The following ARHGAP22 variants were observed in gnomAD, a reference collection of about 807,000 sequenced individuals.
ARHGAP22 encodes the protein rho GTPase-activating protein 22.
A neutral mutation model predicts 59.1 loss-of-function variants in ARHGAP22; 48 were observed. The observed-to-expected ratio is 0.81, with a 90% CI of 0.64 to 1.03. ARHGAP22 has a LOEUF of 1.03. Among genes scored for constraint, ARHGAP22 ranks in the 50% least tolerant of loss-of-function variants. ARHGAP22 has a pLI of 0.00. For synonymous variants in ARHGAP22, 445 were observed against 416.4 expected, an observed-to-expected ratio of 1.07 and a Z score of -0.84; for missense variants, 1,015 against 958.7, an observed-to-expected ratio of 1.06 and a Z score of -0.78.
intron 1 of ARHGAP22, among the ~76,000 whole-genome samples, chr10:48,595,703 A>G (rs2060027095): frequency 6.6e-6 from 1 of 151,484 alleles, no homozygotes; most frequent in Non-Finnish European, 1.5e-5. Flanking sequence ...TTTTTTTTGT[A>G]AAGATGGGGT....
At position 48,649,764 on chromosome 10, in the gene ARHGAP22, G is replaced by A. The variant is rs530613737; in HGVS notation, c.52+2470C>T. The stretch of plus-strand genomic sequence containing the variant: ...ACTGCTGGGTGAGACTTTTAGCACA[G>A]AACTCACCAAGTGAGAGGCCAAGAG... On this transcript the variant is annotated intron_variant, in intron 1 of 9. Coordinates refer to the ARHGAP22 transcript ENST00000435790. Among the ~76,000 whole-genome samples, 10 of 152,260 alleles carry A rather than the reference G, an allele frequency of 6.6e-5. No individual in the cohort carries two copies. In the East Asian group the frequency reaches 1.9e-3, roughly 29 times the overall value.
chr10:48,557,006 T>G (rs900334642), intron 2 of ARHGAP22, among the ~76,000 whole-genome samples: 3 of 152,224 alleles, frequency 2.0e-5, no homozygotes, highest in Non-Finnish European at 2.9e-5. Flanking sequence ...GTGACTCTTC[T>G]CATTTAAGCA....
chr10:48,488,428 G>C (rs1018083324), intron 3 of ARHGAP22, among the ~76,000 whole-genome samples: 1 of 152,058 alleles, frequency 6.6e-6, no homozygotes, highest in Admixed American at 6.6e-5. Context: ...TTTCTAATTA[G>C]TTGCCAGACA....
intron 3 of ARHGAP22, among the ~76,000 whole-genome samples, chr10:48,518,096 G>C (rs921832214): frequency 2.0e-5 from 3 of 152,184 alleles, no homozygotes; most frequent in African/African-American, 7.2e-5. Flanking sequence ...ACACCGAGTG[G>C]AGAAGAAGTC....
At chr10:48,537,237 G>A (rs1232922094) in intron 3 of ARHGAP22, among the ~76,000 whole-genome samples, 1 of 152,348 alleles carries the variant, frequency 6.6e-6, no homozygotes, top group South Asian at 2.1e-4. Flanking sequence ...TGGTGCATCA[G>A]CCAGAGGGTC....
intron 1 of ARHGAP22, among the ~76,000 whole-genome samples, chr10:48,593,568 G>A (rs2059893131): frequency 6.6e-6 from 1 of 152,250 alleles, no homozygotes; most frequent in Non-Finnish European, 1.5e-5. Context: ...CAGCGACAGT[G>A]CATCTGACAG....
intron 3 of ARHGAP22, among the ~76,000 whole-genome samples, chr10:48,553,810 A>T (rs2057092044): frequency 6.6e-6 from 1 of 152,170 alleles, no homozygotes; most frequent in African/African-American, 2.4e-5. Context: ...CACACAGGTG[A>T]TGTCCCTTAT....
At chr10:48,431,241 G>T in the ARHGAP22 span, 1 of 1,612,154 alleles carries the variant, frequency 6.2e-7, no homozygotes, top group Non-Finnish European at 8.5e-7. Context: ...ACCAAGAATG[G>T]AGTTATACGG....
chr10:48,560,259 C>T (rs74130519), intron 2 of ARHGAP22, among the ~76,000 whole-genome samples: 131 of 152,186 alleles, frequency 8.6e-4, no homozygotes, highest in African/African-American at 3.0e-3. Flanking sequence ...GGATTGTGAT[C>T]GGGATTGCAT....
chr10:48,487,596 C>T (rs1000403398), intron 3 of ARHGAP22, among the ~76,000 whole-genome samples: 2 of 152,146 alleles, frequency 1.3e-5, no homozygotes, highest in Admixed American at 1.3e-4. Flanking sequence ...TGAATGCAGG[C>T]AACCTCTAGA....
At chr10:48,536,954 C>T (rs2055415182) in intron 3 of ARHGAP22, among the ~76,000 whole-genome samples, 1 of 151,912 alleles carries the variant, frequency 6.6e-6, no homozygotes, top group African/African-American at 2.4e-5. Flanking sequence ...TTCTGCAGGC[C>T]AAAGAAGGGC....
chr10:48,595,476 G>C (rs1019624140), intron 1 of ARHGAP22, among the ~76,000 whole-genome samples: 2 of 152,142 alleles, frequency 1.3e-5, no homozygotes, highest in African/African-American at 4.8e-5. Context: ...AATGGTTCTT[G>C]AGTGCCCCTA....
At chr10:48,594,890 T>TC (rs1206548495) in intron 1 of ARHGAP22, among the ~76,000 whole-genome samples, 3 of 72,888 alleles carry the variant, frequency 4.1e-5, no homozygotes, top group African/African-American at 9.9e-5. Flanking sequence ...CCCCTCCCCC[T>TC]CCCCCCCAAC....
At chr10:48,527,062 G>T (rs945527288) in intron 3 of ARHGAP22, among the ~76,000 whole-genome samples, 2 of 152,196 alleles carry the variant, frequency 1.3e-5, no homozygotes, top group Non-Finnish European at 2.9e-5. Context: ...CAGGACAACC[G>T]CATGAAGCAG....
intron 4 of ARHGAP22, among the ~76,000 whole-genome samples, chr10:48,472,132 G>T (rs1425923443): frequency 6.7e-6 from 1 of 149,620 alleles, no homozygotes; most frequent in African/African-American, 2.5e-5. Flanking sequence ...GCTTGAACCC[G>T]GGGGGGAAGA....
chr10:48,556,741 G>A (rs1306019686), intron 2 of ARHGAP22: 1 of 152,224 alleles, frequency 6.6e-6, no homozygotes, highest in East Asian at 1.9e-4. Flanking sequence ...AACTGTGTAA[G>A]TGTTTGCTAA....
chr10:48,472,790 C>T (rs1157790105), intron 4 of ARHGAP22, among the ~76,000 whole-genome samples: 2 of 151,220 alleles, frequency 1.3e-5, no homozygotes, highest in Non-Finnish European at 2.9e-5. Context: ...AATGAGATAA[C>T]ACTTCATACC....
intron 1 of ARHGAP22, among the ~76,000 whole-genome samples, chr10:48,594,566 C>A (rs78032364): frequency 0.015 from 2,302 of 152,320 alleles, 62 homozygotes; most frequent in African/African-American, 0.053. Flanking sequence ...TCCCCACCCC[C>A]AAATGTGCTG....
chr10:48,549,285 T>A (rs1298228313), intron 3 of ARHGAP22, among the ~76,000 whole-genome samples: 2 of 152,102 alleles, frequency 1.3e-5, no homozygotes, highest in Admixed American at 6.5e-5. Context: ...GTGGTCAGGC[T>A]TACATGGGGC....
Sources: gnomAD v4.1 joint callset for allele counts (sites outside exome capture counted in the v4.1 genomes callset) on GRCh38, gnomAD v4.1.1 for gene constraint, MANE v1.5 for transcripts, NCBI Gene and HGNC (gene_info 2026-07-23, HGNC 2026-07-21) for gene names.